Variants in CDH13 observed in about 807,000 individuals in gnomAD.
CDH13 encodes the protein cadherin 13.
In CDH13, 24 loss-of-function variants were observed where a neutral mutation model predicts 63.8. The ratio of observed to expected loss-of-function variants is 0.38; its 90% CI spans 0.27 to 0.53. The LOEUF (loss-of-function observed/expected upper bound fraction) is 0.53, where lower values mean the gene tolerates loss of function less well. Among genes scored for constraint, CDH13 ranks in the 20% least tolerant of loss-of-function variants. The pLI is 0.85. For synonymous variants in CDH13, 503 were observed against 355.3 expected, an observed-to-expected ratio of 1.42 and a Z score of -4.67; for missense variants, 1,049 against 903.1, an observed-to-expected ratio of 1.16 and a Z score of -2.07.
chr16:83,735,150 G>A (rs138262129), intron 10 of CDH13: 1 of 152,292 alleles, frequency 6.6e-6, no homozygotes, highest in Admixed American at 6.5e-5. Context: ...GAATTGCTTT[G>A]CTTTTGACAT....
intron 2 of CDH13, among the ~76,000 whole-genome samples, chr16:83,011,960 T>A (rs766546198): frequency 6.6e-6 from 1 of 152,164 alleles, no homozygotes; most frequent in African/African-American, 2.4e-5. Context: ...AACGCTGCCT[T>A]ATTCTCCTTT....
At chr16:83,765,035 G>C (rs1233663305) in intron 11 of CDH13, among the ~76,000 whole-genome samples, 1 of 152,166 alleles carries the variant, frequency 6.6e-6, no homozygotes, top group African/African-American at 2.4e-5. Context: ...ATCTCTTCAT[G>C]AAGCCTTCTG....
chr16:82,771,304 C>T (rs750776256), intron 1 of CDH13, among the ~76,000 whole-genome samples: 1 of 152,148 alleles, frequency 6.6e-6, no homozygotes, highest in Non-Finnish European at 1.5e-5. Context: ...CAATTATATA[C>T]AGAGCACTGG....
intron 4 of CDH13, among the ~76,000 whole-genome samples, chr16:83,180,072 A>T (rs34510301): frequency 0.16 from 24,536 of 152,048 alleles, 2,471 homozygotes; most frequent in African/African-American, 0.29. Flanking sequence ...GAAAACACAG[A>T]GACCTTGGAG....
At position 83,107,325 on chromosome 16, in the gene CDH13, T is replaced by TGTGGTG. The variant is rs36058919; in HGVS notation, c.367-18044_367-18039dup. On this transcript the variant is annotated intron_variant, in intron 3 of 13. Transcript: ENST00000567109. The stretch of plus-strand genomic sequence containing the variant: ...AGAGTTCGTTGGGGTTGGTGGTGGT[T>TGTGGTG]GTGGTGGTGGTGGTGGTGGTGATTC... 2.2e-5 allele frequency among the ~76,000 whole-genome samples: 3 copies of TGTGGTG among 139,448 alleles called. No individual in the cohort carries two copies. In the East Asian group the frequency reaches 6.1e-4, roughly 28 times the overall value. The allele number at this position is 139,448 out of a possible 152,430, so 91.5% of individuals were successfully genotyped here.
chr16:83,027,718 A>G (rs1358061090), intron 2 of CDH13, among the ~76,000 whole-genome samples: 1 of 152,142 alleles, frequency 6.6e-6, no homozygotes, highest in African/African-American at 2.4e-5. Flanking sequence ...CCAGTACCCC[A>G]CATTGCCTGG....
intron 7 of CDH13, among the ~76,000 whole-genome samples, chr16:83,561,568 A>G (rs895967147): frequency 1.3e-5 from 2 of 152,180 alleles, no homozygotes; most frequent in African/African-American, 2.4e-5. Flanking sequence ...ACATTTATTG[A>G]GTATTTACTA....
At chr16:83,575,356 A>T (rs556477644) in intron 7 of CDH13, among the ~76,000 whole-genome samples, 1 of 152,202 alleles carries the variant, frequency 6.6e-6, no homozygotes, top group Non-Finnish European at 1.5e-5. Flanking sequence ...CAAAAACAAA[A>T]AGTGTCCCAC....
intron 13 of CDH13, among the ~76,000 whole-genome samples, chr16:83,793,228 C>T (rs1019896875): frequency 1.3e-4 from 20 of 152,254 alleles, no homozygotes; most frequent in Middle Eastern, 6.8e-3. Context: ...CTGGAATTCA[C>T]GCCTCTGCTG....
chr16:83,511,210 C>G (rs1183022914), intron 7 of CDH13, among the ~76,000 whole-genome samples: 1 of 152,298 alleles, frequency 6.6e-6, no homozygotes, highest in East Asian at 1.9e-4. Flanking sequence ...ACCTGTGATC[C>G]CAACACTTTG....
At chr16:83,130,539 C>G (rs573627062) in intron 4 of CDH13, among the ~76,000 whole-genome samples, 1 of 152,264 alleles carries the variant, frequency 6.6e-6, no homozygotes, top group South Asian at 2.1e-4. Flanking sequence ...AGATCGATAT[C>G]TGATATGTGA....
intron 5 of CDH13, among the ~76,000 whole-genome samples, chr16:83,241,806 G>T (rs1356546984): frequency 6.6e-6 from 1 of 152,116 alleles, no homozygotes; most frequent in South Asian, 2.1e-4. Flanking sequence ...TCTGTTGATT[G>T]TTTCCTTTGA....
chr16:82,768,272 G>A (rs184444082), intron 1 of CDH13, among the ~76,000 whole-genome samples: 31 of 152,300 alleles, frequency 2.0e-4, no homozygotes, highest in African/African-American at 7.5e-4. Flanking sequence ...GACTGTGCAA[G>A]GTGCTGATAG....
At chr16:83,092,421 T>TA (rs2033963382) in intron 3 of CDH13, among the ~76,000 whole-genome samples, 2 of 152,216 alleles carry the variant, frequency 1.3e-5, no homozygotes, top group African/African-American at 4.8e-5. Flanking sequence ...CTTAGATGAT[T>TA]AAAACAAGGC....
At chr16:83,169,645 C>T (rs965912723) in intron 4 of CDH13, among the ~76,000 whole-genome samples, 1 of 151,872 alleles carries the variant, frequency 6.6e-6, no homozygotes, top group African/African-American at 2.4e-5. Context: ...TAATGGCTTC[C>T]CTATTGATTC....
chr16:82,947,046 G>GTGTGTA lies in CDH13; in HGVS notation c.158-84962_158-84961insTGTATG, dbSNP rs376101509. On this transcript the variant is annotated intron_variant, in intron 2 of 13. Transcript: ENST00000567109. ...TGTGTGTGTGTGTGTGTGTGTGTGT[G>GTGTGTA]TGATGTTGTAAGAAAGTTTAAGGCT... is the stretch of plus-strand genomic sequence containing the variant. Among the ~76,000 whole-genome samples the GTGTGTA allele has an allele frequency of 3.6e-3, 544 of 149,768 alleles. 1 individual carries two copies. The highest frequency in any genetic ancestry group is 5.6e-3 in the African/African-American group (226 of 40,278).
At chr16:83,565,241 A>G (rs2075772417) in intron 7 of CDH13, among the ~76,000 whole-genome samples, 1 of 151,470 alleles carries the variant, frequency 6.6e-6, no homozygotes, top group African/African-American at 2.4e-5. Context: ...CCCTCATAGT[A>G]CCCTGACCCC....
At chr16:82,711,601 C>T (rs2031950929) in intron 1 of CDH13, among the ~76,000 whole-genome samples, 1 of 152,180 alleles carries the variant, frequency 6.6e-6, no homozygotes, top group African/African-American at 2.4e-5. Flanking sequence ...CAGACAAAGA[C>T]ACTGAGATCC....
chr16:83,043,692 C>G (rs979995423), intron 3 of CDH13, among the ~76,000 whole-genome samples: 4 of 152,002 alleles, frequency 2.6e-5, no homozygotes, highest in South Asian at 2.1e-4. Flanking sequence ...AACCACATCT[C>G]TACTAAAAAT....
Sources: gnomAD v4.1 joint callset for allele counts (sites outside exome capture counted in the v4.1 genomes callset) on GRCh38, gnomAD v4.1.1 for gene constraint, MANE v1.5 for transcripts, NCBI Gene and HGNC (gene_info 2026-07-23, HGNC 2026-07-21) for gene names.